ST6GAL2: variants seen among roughly 807,000 people sequenced by gnomAD.
The protein encoded by ST6GAL2 is ST6 beta-galactoside alpha-2,6-sialyltransferase 2.
A neutral mutation model predicts 37.5 loss-of-function variants in ST6GAL2; 24 were observed. The observed-to-expected ratio is 0.64, with a 90% CI of 0.46 to 0.90. ST6GAL2 has a LOEUF of 0.90. Among genes scored for constraint, ST6GAL2 ranks in the 40% least tolerant of loss-of-function variants. The pLI, the probability that ST6GAL2 is intolerant of heterozygous loss-of-function variation, is 0.00. For missense variants in ST6GAL2, 715 were observed against 712.7 expected (o/e 1.00, Z -0.04); for synonymous variants, 306 against 295.1 (o/e 1.04, Z -0.38).
At chr2:106,827,189 G>T (rs1332945229) in intron 5 of ST6GAL2, among the ~76,000 whole-genome samples, 1 of 152,070 alleles carries the variant, frequency 6.6e-6, no homozygotes. Context: ...AACACTTTTT[G>T]ATAGCAGAAA....
chr2:106,843,503 G>T lies in ST6GAL2; in HGVS notation c.475C>A (p.Arg159=). ...TGTGCAGCCGGAAAAGCCCCCTCCC[G>T]TGGGCCTGGCTCCCCGGGGGAAGGG... is the stretch of plus-strand genomic sequence containing the variant. ...GFPSPGEPGP[R]EGAFPAAQVQ... Residue 159 remains arginine (R), a synonymous_variant, in exon 2 of 6, where the codon CGG becomes AGG. Transcript: ENST00000409382. The T allele has an allele frequency of 6.2e-7, 1 of 1,614,010 alleles. No individual in the cohort carries two copies.
chr2:106,824,417 G>T (rs1204984149), intron 5 of ST6GAL2, among the ~76,000 whole-genome samples: 1 of 152,186 alleles, frequency 6.6e-6, no homozygotes, highest in Admixed American at 6.5e-5. Context: ...CTGTTCAGGA[G>T]GTCAGGAGAT....
chr2:106,860,443 G>C (rs1226911550), intron 1 of ST6GAL2, among the ~76,000 whole-genome samples: 1 of 152,134 alleles, frequency 6.6e-6, no homozygotes, highest in African/African-American at 2.4e-5. Flanking sequence ...GTCTTTTGCA[G>C]GCAGAAAAAT....
intron 2 of ST6GAL2, among the ~76,000 whole-genome samples, chr2:106,838,520 C>T (rs2104498626): frequency 6.6e-6 from 1 of 152,328 alleles, no homozygotes; most frequent in South Asian, 2.1e-4. Context: ...TTCCCTTGCA[C>T]CCTCAAGTCC....
Position 106,843,109 on chromosome 2 carries a change from G to A in ST6GAL2, c.869C>T (p.Pro290Leu). The A allele has an allele frequency of 3.2e-6, 5 of 1,558,324 alleles. No individual in the cohort carries two copies. Among genetic ancestry groups the A allele is most frequent in the Non-Finnish European group, 3.5e-6 (4 of 1,157,644 alleles). ...GACAGCGCAGCTGCGCAGGCCGCGG[G>A]GGTGCAGCTGGCTCAGGGGCACGGC... ...VPAVPLSQLH[P>L]RGLRSCAVVM... Residue 290 changes from proline (P) to leucine (L), a missense_variant, in exon 2 of 6, where the codon CCC becomes CTC. Physicochemically the swap from Pro to Leu is moderately conservative, Grantham distance 98 (BLOSUM62 -3). Around this residue, in one of 3 missense-constraint regions of ST6GAL2, gnomAD observed 512 missense variants for 488.8 expected, o/e 1.05. Coordinates refer to ENST00000409382, the MANE Select transcript of ST6GAL2 (RefSeq NM_001142351.2).
chr2:106,854,186 C>T (rs1212330852), intron 1 of ST6GAL2, among the ~76,000 whole-genome samples: 9 of 152,112 alleles, frequency 5.9e-5, no homozygotes, highest in Admixed American at 5.9e-4. Context: ...TTTCTTTCAG[C>T]GGGTGTTACA....
chr2:106,875,043 A>G (rs1678441863), intron 1 of ST6GAL2, among the ~76,000 whole-genome samples: 1 of 152,210 alleles, frequency 6.6e-6, no homozygotes, highest in African/African-American at 2.4e-5. Flanking sequence ...TTTATACAAT[A>G]TAATATGAGT....
At chr2:106,876,167 T>C (rs1478235350) in intron 1 of ST6GAL2, among the ~76,000 whole-genome samples, 1 of 152,072 alleles carries the variant, frequency 6.6e-6, no homozygotes, top group African/African-American at 2.4e-5. Context: ...TTTTTTCATA[T>C]AAATATTATA....
At position 106,861,009 on chromosome 2, in the gene ST6GAL2, G is replaced by A. The variant is rs1297992559; in HGVS notation, c.-57-16975C>T. ...TCTAACACACTTAGGAGGCACCCCCGCCAAATGCCGGAAACCTGAATCTGC... is the reference window on the plus strand; with the variant it reads ...TCTAACACACTTAGGAGGCACCCCCACCAAATGCCGGAAACCTGAATCTGC... On this transcript the variant is annotated intron_variant, in intron 1 of 5. Coordinates refer to ENST00000409382, the MANE Select transcript of ST6GAL2 (RefSeq NM_001142351.2). Among the ~76,000 whole-genome samples, 5 of 152,116 alleles carry A rather than the reference G, an allele frequency of 3.3e-5. No individual in the cohort carries two copies. In the East Asian group the frequency reaches 7.7e-4, roughly 23 times the overall value.
chr2:106,851,569 G>T (rs1269435350), intron 1 of ST6GAL2, among the ~76,000 whole-genome samples: 1 of 152,140 alleles, frequency 6.6e-6, no homozygotes, highest in Non-Finnish European at 1.5e-5. Flanking sequence ...AGGGCAAAGA[G>T]AAGTTAATTC....
At position 106,875,301 on chromosome 2, in the gene ST6GAL2, A is replaced by C. The variant is rs1420884812; in HGVS notation, c.-58+10792T>G. 4.0e-5 allele frequency among the ~76,000 whole-genome samples: 6 copies of C among 151,016 alleles called. No individual in the cohort carries two copies. The South Asian group carries it at 1.3e-3, about 32-fold the overall frequency. On this transcript the variant is annotated intron_variant, in intron 1 of 5. Coordinates refer to ENST00000409382, the MANE Select transcript of ST6GAL2 (RefSeq NM_001142351.2). ...AGCAATGCCCCCAACCTCAGCCTCC[A>C]GAGTAACTGGGACCACAGGTGAGTG... is the stretch of plus-strand genomic sequence containing the variant.
chr2:106,854,713 C>A (rs190946620), intron 1 of ST6GAL2, among the ~76,000 whole-genome samples: 5 of 152,204 alleles, frequency 3.3e-5, no homozygotes, highest in African/African-American at 1.2e-4. Context: ...CTAATAAGCA[C>A]AGAATAAGGC....
At chr2:106,835,996 T>G (rs1302523322) in intron 2 of ST6GAL2, among the ~76,000 whole-genome samples, 1 of 152,236 alleles carries the variant, frequency 6.6e-6, no homozygotes, top group African/African-American at 2.4e-5. Context: ...AACAGTAGAC[T>G]CTTGAAATTT....
chr2:106,856,228 T>C (rs943960617), intron 1 of ST6GAL2, among the ~76,000 whole-genome samples: 3 of 152,236 alleles, frequency 2.0e-5, no homozygotes, highest in Admixed American at 6.5e-5. Flanking sequence ...CACTCATGTA[T>C]TCCATCTTGG....
intron 1 of ST6GAL2, among the ~76,000 whole-genome samples, chr2:106,862,181 C>T (rs997785848): frequency 1.3e-5 from 2 of 152,230 alleles, no homozygotes; most frequent in African/African-American, 4.8e-5. Flanking sequence ...GCTAATGCTG[C>T]TGCACCAGAG....
chr2:106,854,535 ATATC>A (rs1437733475), intron 1 of ST6GAL2, among the ~76,000 whole-genome samples: 9 of 152,180 alleles, frequency 5.9e-5, no homozygotes, highest in Non-Finnish European at 1.3e-4. Context: ...AAATAATTTA[ATATC>A]TATTACATAC....
intron 1 of ST6GAL2, chr2:106,885,726 A>G (rs1316156767): frequency 6.6e-6 from 1 of 152,226 alleles, no homozygotes; most frequent in Non-Finnish European, 1.5e-5. Flanking sequence ...TACTACCCCA[A>G]ACATTATAGC....
intron 1 of ST6GAL2, among the ~76,000 whole-genome samples, chr2:106,884,243 A>C (rs1392952546): frequency 6.6e-6 from 1 of 152,140 alleles, no homozygotes; most frequent in Non-Finnish European, 1.5e-5. Flanking sequence ...TTATGTCTTC[A>C]CCCCACAGAG....
rs1017486885 is a variant in ST6GAL2 at position 106,804,150 on chromosome 2, C to G, written c.*2528G>C. 3 of 152,150 alleles carry G rather than the reference C, an allele frequency of 2.0e-5. No homozygotes were observed. Among genetic ancestry groups the G allele is most frequent in the Non-Finnish European group, 4.4e-5 (3 of 68,020 alleles). The allele number at this position is 152,150 out of a possible 1,614,324, so 9.4% of individuals were successfully genotyped here. A position where few individuals can be genotyped will look rare whatever the true frequency, so the allele number is the denominator to read the frequency against. On this transcript the variant is annotated 3_prime_UTR_variant, in exon 6 of 6. Coordinates refer to ENST00000409382, the MANE Select transcript of ST6GAL2 (RefSeq NM_001142351.2). ...AAATTGTAACTAAATTTCCTTTGTACTCTTCAGTCTTTCTTGTAACCTCAA... is the reference window on the plus strand; with the variant it reads ...AAATTGTAACTAAATTTCCTTTGTAGTCTTCAGTCTTTCTTGTAACCTCAA...
Sources: gnomAD v4.1 joint callset for allele counts (sites outside exome capture counted in the v4.1 genomes callset) on GRCh38, gnomAD v4.1.1 for gene constraint, gnomAD v4.1.1 regional missense constraint, MANE v1.5 for transcripts, NCBI Gene and HGNC (gene_info 2026-07-23, HGNC 2026-07-21) for gene names.